Variants in OPCML observed in about 807,000 individuals in gnomAD.
OPCML encodes opioid-binding protein/cell adhesion molecule.
Under a neutral mutation model 37.8 loss-of-function variants are expected in OPCML, and 13 were observed. The observed-to-expected ratio is 0.34, with a 90% CI of 0.22 to 0.55. OPCML has a LOEUF of 0.55. OPCML is among the 20% of genes least tolerant of loss of function. The probability of loss-of-function intolerance (pLI) is 0.91; values close to 1 mark genes in which losing one functional copy is unlikely to be tolerated. For synonymous variants in OPCML, 176 were observed against 168.8 expected (o/e 1.04, Z -0.33); for missense variants, 341 against 435.6 (o/e 0.78, Z 1.93).
intron 1 of OPCML, among the ~76,000 whole-genome samples, chr11:133,455,610 C>T (rs1284275025): frequency 1.3e-5 from 2 of 152,178 alleles, no homozygotes; most frequent in African/African-American, 2.4e-5. Context: ...AGAATGTGCA[C>T]ATAATTAGAA....
chr11:132,431,419 T>C (rs1477350587), intron 7 of OPCML, among the ~76,000 whole-genome samples: 1 of 152,240 alleles, frequency 6.6e-6, no homozygotes, highest in Non-Finnish European at 1.5e-5. Context: ...CGGGCCACTT[T>C]TCCAGCACCT....
chr11:133,454,129 C>T (rs190643488), intron 1 of OPCML, among the ~76,000 whole-genome samples: 1 of 152,282 alleles, frequency 6.6e-6, no homozygotes, highest in African/African-American at 2.4e-5. Flanking sequence ...CAAATTAAGT[C>T]TCATTTGTTT....
chr11:133,237,584 G>A (rs901817351), intron 1 of OPCML, among the ~76,000 whole-genome samples: 7 of 152,204 alleles, frequency 4.6e-5, no homozygotes, highest in Non-Finnish European at 8.8e-5. Flanking sequence ...TTAGGCTAAA[G>A]GCAGCCAAGA....
intron 1 of OPCML, among the ~76,000 whole-genome samples, chr11:133,291,194 G>C (rs1345317001): frequency 6.6e-6 from 1 of 152,156 alleles, no homozygotes; most frequent in East Asian, 1.9e-4. Flanking sequence ...CCACCAAAAG[G>C]CAAATTTTGG....
rs977333265 is a variant in OPCML at position 133,366,618 on chromosome 11, G to C, written c.61+165646C>G. Among the ~76,000 whole-genome samples, 14 of 152,282 alleles carry C rather than the reference G, an allele frequency of 9.2e-5. 1 individual carries two copies. The highest frequency in any genetic ancestry group is 8.5e-4 in the Admixed American group (13 of 15,306). On this transcript the variant is annotated intron_variant, in intron 1 of 7. Coordinates refer to ENST00000524381, the MANE Select transcript of OPCML (RefSeq NM_001012393.5). ...GAAGGCGGAAGCCAAAGGGGTGGAA[G>C]GATGCAGAAATGTCACACTGAGGAA...
chr11:132,658,140 G>A (rs559101458), intron 2 of OPCML, among the ~76,000 whole-genome samples: 10 of 152,202 alleles, frequency 6.6e-5, no homozygotes, highest in East Asian at 1.9e-4. Flanking sequence ...GGACGTCTGC[G>A]CATGTGCCCA....
chr11:133,274,441 C>T (rs942029740), intron 1 of OPCML, among the ~76,000 whole-genome samples: 5 of 152,156 alleles, frequency 3.3e-5, no homozygotes, highest in Admixed American at 6.5e-5. Context: ...GCTGAGCCCA[C>T]AAGCCAATGA....
chr11:133,339,389 G>A (rs558426628), intron 1 of OPCML, among the ~76,000 whole-genome samples: 2 of 152,162 alleles, frequency 1.3e-5, no homozygotes, highest in South Asian at 2.1e-4. Flanking sequence ...ATTTGAAACC[G>A]GGGTTTGTTC....
intron 2 of OPCML, among the ~76,000 whole-genome samples, chr11:132,755,370 C>T (rs1946001075): frequency 6.6e-6 from 1 of 152,116 alleles, no homozygotes; most frequent in Non-Finnish European, 1.5e-5. Context: ...ACAAACATTC[C>T]TTTACATCAC....
chr11:132,868,772 C>T (rs530585063), intron 2 of OPCML, among the ~76,000 whole-genome samples: 7 of 152,234 alleles, frequency 4.6e-5, no homozygotes, highest in Middle Eastern at 3.4e-3. Context: ...AGGATGCTGC[C>T]GTTACTAATA....
intron 1 of OPCML, among the ~76,000 whole-genome samples, chr11:133,347,770 T>A (rs1944035964): frequency 6.6e-6 from 1 of 152,078 alleles, no homozygotes; most frequent in African/African-American, 2.4e-5. Context: ...GGAGCTAGAG[T>A]TGTGTATCAT....
intron 3 of OPCML, among the ~76,000 whole-genome samples, chr11:132,610,595 C>T (rs1002327181): frequency 1.8e-4 from 27 of 152,082 alleles, no homozygotes; most frequent in African/African-American, 5.6e-4. Context: ...TGAAGACTGG[C>T]GCTCGGAACT....
intron 2 of OPCML, among the ~76,000 whole-genome samples, chr11:132,879,135 A>G (rs1421572497): frequency 6.6e-6 from 1 of 152,266 alleles, no homozygotes; most frequent in African/African-American, 2.4e-5. Context: ...ACAAATGTCT[A>G]AAACAAAGCA....
intron 3 of OPCML, among the ~76,000 whole-genome samples, chr11:132,613,746 A>G (rs1210680232): frequency 6.6e-6 from 1 of 152,192 alleles, no homozygotes; most frequent in East Asian, 1.9e-4. Context: ...AAAAGTAGAA[A>G]TAGTATTATC....
rs1047815184 is a variant in OPCML at position 133,433,733 on chromosome 11, T to A, written c.61+98531A>T. Among the ~76,000 whole-genome samples, 10 of 152,266 alleles carry A rather than the reference T, an allele frequency of 6.6e-5. No homozygotes were observed. In the East Asian group the frequency reaches 1.4e-3, roughly 21 times the overall value. ...AACCCAGCCAGGTAGTCCCACTCTC[T>A]CCTTCTGCAAGGCACATCTTCCCCC... On this transcript the variant is annotated intron_variant, in intron 1 of 7. Transcript: ENST00000524381.
chr11:133,026,593 G>T, intron 1 of OPCML: 1 of 984,768 alleles, frequency 1.0e-6, no homozygotes, highest in Admixed American at 6.1e-5. Flanking sequence ...ATTCTTTCTA[G>T]CTAATGTCCC....
intron 1 of OPCML, among the ~76,000 whole-genome samples, chr11:133,521,026 C>A (rs1948385995): frequency 6.6e-6 from 1 of 152,160 alleles, no homozygotes. Flanking sequence ...GTTATCATCA[C>A]AAGCCGTCCT....
intron 2 of OPCML, among the ~76,000 whole-genome samples, chr11:132,759,542 T>C (rs1946185824): frequency 6.6e-6 from 1 of 152,184 alleles, no homozygotes; most frequent in African/African-American, 2.4e-5. Flanking sequence ...GGTGTATGTG[T>C]CCAAGAATTT....
At chr11:133,158,717 TA>T (rs774431901) in intron 1 of OPCML, among the ~76,000 whole-genome samples, 4 of 131,992 alleles carry the variant, frequency 3.0e-5, no homozygotes, top group African/African-American at 1.3e-4. Flanking sequence ...ATTAAAAAAA[TA>T]AAATAAAATA....
Sources: allele counts gnomAD v4.1 joint callset (sites outside exome capture counted in the v4.1 genomes callset), GRCh38; gene constraint gnomAD v4.1.1; transcripts MANE v1.5; gene names NCBI Gene and HGNC (gene_info 2026-07-23, HGNC 2026-07-21).